MTHFD2L: variants seen among roughly 807,000 people sequenced by gnomAD.
MTHFD2L encodes the protein bifunctional methylenetetrahydrofolate dehydrogenase/cyclohydrolase 2, mitochondrial.
In MTHFD2L, 29 loss-of-function variants were observed where a neutral mutation model predicts 34.9. That is an observed-to-expected ratio of 0.83 (90% CI 0.62 to 1.13). MTHFD2L has a LOEUF of 1.13. Among genes scored for constraint, MTHFD2L ranks in the 50% most tolerant of loss-of-function variants. MTHFD2L has a pLI of 0.00. For missense variants in MTHFD2L, 481 were observed against 446.5 expected (o/e 1.08, Z -0.70); for synonymous variants, 167 against 155.7 (o/e 1.07, Z -0.54).
intron 6 of MTHFD2L, among the ~76,000 whole-genome samples, chr4:74,268,989 C>T (rs1325295833): frequency 6.6e-6 from 1 of 152,010 alleles, no homozygotes; most frequent in Non-Finnish European, 1.5e-5. Context: ...TATAATGAAT[C>T]ACAAAATAGC....
chr4:74,152,811 G>C (rs542444287), intron 1 of MTHFD2L, among the ~76,000 whole-genome samples: 35 of 152,124 alleles, frequency 2.3e-4, no homozygotes, highest in Non-Finnish European at 4.7e-4. Flanking sequence ...ACTTCTTTAA[G>C]AGCAGCTAGT....
chr4:74,132,782 A>G (rs1025595624), intron 1 of MTHFD2L, among the ~76,000 whole-genome samples: 1 of 152,140 alleles, frequency 6.6e-6, no homozygotes, highest in Non-Finnish European at 1.5e-5. Flanking sequence ...CACCTCCCAC[A>G]AACACTTTGA....
At chr4:74,180,231 G>A (rs1386626750) in intron 3 of MTHFD2L, among the ~76,000 whole-genome samples, 3 of 152,052 alleles carry the variant, frequency 2.0e-5, no homozygotes, top group Admixed American at 6.6e-5. Flanking sequence ...CAGCCTTCAT[G>A]TTTTACAGAA....
chr4:74,265,500 A>G (rs1455208651), intron 6 of MTHFD2L, among the ~76,000 whole-genome samples: 1 of 152,200 alleles, frequency 6.6e-6, no homozygotes, highest in Non-Finnish European at 1.5e-5. Context: ...AATGTGCTAC[A>G]CACTTTATAT....
intron 6 of MTHFD2L, chr4:74,267,965 G>T (rs888707998): frequency 1.0e-5 from 10 of 985,204 alleles, no homozygotes; most frequent in South Asian, 9.4e-5. Context: ...ACAAGGAATA[G>T]AAGCTTTGGG....
At chr4:74,279,758 T>C (rs1747187134) in intron 6 of MTHFD2L, among the ~76,000 whole-genome samples, 1 of 152,120 alleles carries the variant, frequency 6.6e-6, no homozygotes, top group Non-Finnish European at 1.5e-5. Flanking sequence ...TATGACTATC[T>C]GGAGCAATGC....
chr4:74,217,738 A>G (rs1459509359), intron 5 of MTHFD2L, among the ~76,000 whole-genome samples: 1 of 151,868 alleles, frequency 6.6e-6, no homozygotes, highest in Non-Finnish European at 1.5e-5. Flanking sequence ...AGACAGATCT[A>G]GAATCATGGT....
At chr4:74,142,806 T>C (rs971703609) in intron 1 of MTHFD2L, among the ~76,000 whole-genome samples, 1 of 152,188 alleles carries the variant, frequency 6.6e-6, no homozygotes, top group African/African-American at 2.4e-5. Context: ...TTCAAGGTAT[T>C]ATTCAAGGAT....
At chr4:74,296,596 G>A (rs1163217001) in intron 7 of MTHFD2L, among the ~76,000 whole-genome samples, 1 of 152,048 alleles carries the variant, frequency 6.6e-6, no homozygotes, top group Non-Finnish European at 1.5e-5. Flanking sequence ...GTGTAAAGTA[G>A]CCATACTACA....
At chr4:74,146,326 A>G (rs1723592465) in intron 1 of MTHFD2L, among the ~76,000 whole-genome samples, 1 of 152,210 alleles carries the variant, frequency 6.6e-6, no homozygotes, top group Non-Finnish European at 1.5e-5. Context: ...TTATTAAAAA[A>G]TTATTACTAA....
At chr4:74,207,679 G>A (rs192788959) in intron 5 of MTHFD2L, among the ~76,000 whole-genome samples, 1 of 151,762 alleles carries the variant, frequency 6.6e-6, no homozygotes, top group Non-Finnish European at 1.5e-5. Context: ...TCTTCAAGAG[G>A]CACCCTATCT....
intron 6 of MTHFD2L, among the ~76,000 whole-genome samples, chr4:74,232,761 T>A (rs978616040): frequency 6.6e-6 from 1 of 152,202 alleles, no homozygotes; most frequent in African/African-American, 2.4e-5. Context: ...TTCTTTTGCC[T>A]TGTATATACT....
chr4:74,206,667 G>C (rs1222146400), intron 5 of MTHFD2L, among the ~76,000 whole-genome samples: 1 of 151,054 alleles, frequency 6.6e-6, no homozygotes, highest in Non-Finnish European at 1.5e-5. Context: ...TTACTTATTT[G>C]TATGTAGTCA....
intron 2 of MTHFD2L, chr4:74,114,671 C>A (rs1338245954): frequency 6.6e-6 from 1 of 152,180 alleles, no homozygotes; most frequent in Non-Finnish European, 1.5e-5. Flanking sequence ...AGCTGGCTAA[C>A]CTCTCTCTTA....
At chr4:74,289,256 G>A (rs930912467) in intron 7 of MTHFD2L, among the ~76,000 whole-genome samples, 1 of 152,320 alleles carries the variant, frequency 6.6e-6, no homozygotes, top group African/African-American at 2.4e-5. Context: ...AGAAAAGGTG[G>A]TCAGGGAAGG....
intron 1 of MTHFD2L, among the ~76,000 whole-genome samples, chr4:74,149,508 T>C (rs1723802718): frequency 6.6e-6 from 1 of 152,220 alleles, no homozygotes. Context: ...TCCAGCTCAA[T>C]ATCATATGTT....
chr4:74,121,709 TTA>T (rs1243593956), upstream of MTHFD2L, among the ~76,000 whole-genome samples: 3 of 146,678 alleles, frequency 2.0e-5, no homozygotes, highest in Admixed American at 6.9e-5. Context: ...AATTATTTAA[TTA>T]TATATATGGC....
chr4:74,155,924 A>C (rs1724215088), upstream of MTHFD2L, among the ~76,000 whole-genome samples: 1 of 142,732 alleles, frequency 7.0e-6, no homozygotes, highest in South Asian at 2.3e-4. Context: ...AAAAAAAAAA[A>C]CACTTTTACA....
intron 6 of MTHFD2L, among the ~76,000 whole-genome samples, chr4:74,263,131 A>G (rs1386297436): frequency 1.3e-5 from 2 of 151,452 alleles, no homozygotes; most frequent in Non-Finnish European, 3.0e-5. Context: ...ATGTATATTT[A>G]TGTGTGTGTG....
Sources: gnomAD v4.1 joint callset for allele counts (sites outside exome capture counted in the v4.1 genomes callset) on GRCh38, gnomAD v4.1.1 for gene constraint, MANE v1.5 for transcripts, NCBI Gene and HGNC (gene_info 2026-07-23, HGNC 2026-07-21) for gene names.